Variants in SATB2 observed in about 807,000 individuals in gnomAD.
SATB2 encodes the protein DNA-binding protein SATB2.
A neutral mutation model predicts 73.4 loss-of-function variants in SATB2; 1 was observed. The observed-to-expected ratio is 0.01, with a 90% CI of 0.00 to 0.06. The LOEUF (loss-of-function observed/expected upper bound fraction) is 0.06, where lower values mean the gene tolerates loss of function less well. Ranked by LOEUF, SATB2 falls within the 10% of genes least tolerant of loss-of-function variation. SATB2 has a pLI of 1.00. For missense variants in SATB2, 459 were observed against 945.8 expected, an observed-to-expected ratio of 0.49 and a Z score of 6.75; for synonymous variants, 397 against 367.0, an observed-to-expected ratio of 1.08 and a Z score of -0.93.
chr2:199,456,020 C>G lies in SATB2; in HGVS notation c.18G>C (p.Glu6Asp). The G allele has an allele frequency of 6.5e-7, 1 of 1,545,208 alleles. No homozygotes were observed. The highest frequency in any genetic ancestry group is 1.4e-5 in the African/African-American group (1 of 73,246). Reference protein sequence around the residue: MERRSESPCLRDSPDR... With the variant: MERRSDSPCLRDSPDR... ...CGGGGCTGTCCCGCAGACACGGGCT[C>G]TCGCTCCGCCGCTCCATGCTGCTCC... The change falls in exon 2 of 11, where the codon GAG becomes GAC. Residue 6 changes from glutamate (E) to aspartate (D), a missense_variant. By Grantham distance (45) the Glu-to-Asp change is conservative (BLOSUM62 2). Around this residue, in one of 13 missense-constraint regions of SATB2, gnomAD observed 74 missense variants for 113.3 expected, o/e 0.65. Transcript: ENST00000417098.
At chr2:199,367,466 A>G (rs893965166) in intron 6 of SATB2, among the ~76,000 whole-genome samples, 6 of 152,120 alleles carry the variant, frequency 3.9e-5, no homozygotes, top group African/African-American at 1.4e-4. Context: ...ATGTTTGTAA[A>G]CTTCATTTCT....
chr2:199,355,348 C>CTATCTATATA, intron 6 of SATB2, among the ~76,000 whole-genome samples: 1 of 134,194 alleles, frequency 7.5e-6, no homozygotes, highest in East Asian at 2.5e-4. Flanking sequence ...GTGTGTGTAT[C>CTATCTATATA]TATATATATA....
chr2:199,379,595 T>C (rs1383461059), intron 5 of SATB2, among the ~76,000 whole-genome samples: 1 of 152,000 alleles, frequency 6.6e-6, no homozygotes, highest in African/African-American at 2.4e-5. Flanking sequence ...TCTTGATCTA[T>C]AAAATGGAGA....
chr2:199,307,525 T>C (rs1288725495), intron 10 of SATB2, among the ~76,000 whole-genome samples: 1 of 152,136 alleles, frequency 6.6e-6, no homozygotes, highest in African/African-American at 2.4e-5. Flanking sequence ...CATCCCCAAC[T>C]CTGGGATCAC....
rs1033090413 is a variant in SATB2, at chr2:199,317,360, G to A, written c.1542+6443C>T. On this transcript the variant is annotated intron_variant, in intron 9 of 10. Transcript: ENST00000417098. ...TGTAAGAACCACAGTTTAACTCGATGTCCTCTTCCCTAACCAGCTGGGGAG... is the reference window on the plus strand; with the variant it reads ...TGTAAGAACCACAGTTTAACTCGATATCCTCTTCCCTAACCAGCTGGGGAG... Among the ~76,000 whole-genome samples, 4 of 152,158 alleles carry A rather than the reference G, an allele frequency of 2.6e-5. No individual in the cohort carries two copies. In the South Asian group the frequency reaches 6.2e-4, roughly 24 times the overall value.
At chr2:199,324,881 T>C (rs942921200) in intron 8 of SATB2, among the ~76,000 whole-genome samples, 3 of 152,192 alleles carry the variant, frequency 2.0e-5, no homozygotes, top group African/African-American at 7.2e-5. Flanking sequence ...ACCAGCCGAA[T>C]TGGCCTAACC....
At chr2:199,277,140 C>T (rs778663560) in intron 10 of SATB2, among the ~76,000 whole-genome samples, 2 of 152,044 alleles carry the variant, frequency 1.3e-5, no homozygotes, top group Non-Finnish European at 2.9e-5. Flanking sequence ...ATAGGAAAAG[C>T]CTGCATTGAC....
At chr2:199,322,778 T>C (rs182697588) in intron 9 of SATB2, among the ~76,000 whole-genome samples, 1 of 152,300 alleles carries the variant, frequency 6.6e-6, no homozygotes, top group Admixed American at 6.5e-5. Context: ...AAATTTAATT[T>C]TTATTGAAAA....
At chr2:199,335,275 A>C (rs566927697) in intron 7 of SATB2, among the ~76,000 whole-genome samples, 36 of 152,298 alleles carry the variant, frequency 2.4e-4, no homozygotes, top group South Asian at 1.7e-3. Context: ...GGTGGATAGA[A>C]TTGAGCATCT....
chr2:199,320,130 G>A lies in SATB2; in HGVS notation c.1542+3673C>T, dbSNP rs181126407. Among the ~76,000 whole-genome samples the A allele has an allele frequency of 6.6e-5, 10 of 152,226 alleles. No homozygotes were observed. In the South Asian group the frequency reaches 1.7e-3, roughly 25 times the overall value. On this transcript the variant is annotated intron_variant, in intron 9 of 10. Transcript: ENST00000417098. Reference sequence around the variant, plus strand: ...AGGAACAAGGCATTCCTGTGGCCACGCAGACAGAATGTGGGGCATTCGCTC... The same window carrying A: ...AGGAACAAGGCATTCCTGTGGCCACACAGACAGAATGTGGGGCATTCGCTC...
At chr2:199,355,340 G>GTA (rs1445800916) in intron 6 of SATB2, among the ~76,000 whole-genome samples, 1 of 13,864 alleles carries the variant, frequency 7.2e-5, no homozygotes, top group African/African-American at 8.5e-5. Context: ...GTGTGTGTGT[G>GTA]TGTGTATCTA....
chr2:199,467,214 G>A (rs1209153105), upstream of SATB2, among the ~76,000 whole-genome samples: 1 of 152,248 alleles, frequency 6.6e-6, no homozygotes, highest in African/African-American at 2.4e-5. Context: ...CCTCTTGTTG[G>A]CCGGTGGCTA....
chr2:199,359,011 T>C (rs1451373216), intron 6 of SATB2, among the ~76,000 whole-genome samples: 1 of 152,202 alleles, frequency 6.6e-6, no homozygotes, highest in Non-Finnish European at 1.5e-5. Context: ...ATTTTTATTC[T>C]TTATTTTAAT....
chr2:199,331,215 T>TG (rs1491226505), intron 7 of SATB2, among the ~76,000 whole-genome samples: 1 of 53,138 alleles, frequency 1.9e-5, no homozygotes, highest in Non-Finnish European at 6.7e-5. Context: ...ATTTGTTTCT[T>TG]GTTTTTTTTT....
At chr2:199,291,678 C>T (rs571094979) in intron 10 of SATB2, among the ~76,000 whole-genome samples, 9 of 152,086 alleles carry the variant, frequency 5.9e-5, no homozygotes, top group South Asian at 4.2e-4. Context: ...TTTGGGAGGC[C>T]GAGGCGGGTG....
At chr2:199,428,782 A>C (rs967166469) in intron 3 of SATB2, among the ~76,000 whole-genome samples, 13 of 152,184 alleles carry the variant, frequency 8.5e-5, no homozygotes, top group Non-Finnish European at 1.3e-4. Context: ...CTTTAATCCC[A>C]CCACTTTGGG....
At position 199,279,212 on chromosome 2, in the gene SATB2, A is replaced by G. The variant is rs146905191; in HGVS notation, c.1741-6540T>C. On this transcript the variant is annotated intron_variant, in intron 10 of 10. Transcript: ENST00000417098. ...AAATGAAACCCAAAGTTCCTTGCCC[A>G]GTCATAAAGCACAATTATAATATGG... Among the ~76,000 whole-genome samples the G allele has an allele frequency of 2.5e-3, 374 of 152,356 alleles. 1 individual carries two copies. The highest frequency in any genetic ancestry group is 6.6e-3 in the African/African-American group (275 of 41,594).
intron 6 of SATB2, among the ~76,000 whole-genome samples, chr2:199,353,776 G>T (rs1463313597): frequency 6.6e-6 from 1 of 151,134 alleles, no homozygotes; most frequent in Non-Finnish European, 1.5e-5. Flanking sequence ...TAATCACAAT[G>T]TCTGAAACAC....
intron 7 of SATB2, among the ~76,000 whole-genome samples, chr2:199,331,189 AAC>A (rs1041280844): frequency 1.4e-5 from 2 of 147,900 alleles, no homozygotes; most frequent in African/African-American, 4.9e-5. Flanking sequence ...AAAATTTTAA[AAC>A]ACAGAGTGTT....
Sources: gnomAD v4.1 joint callset for allele counts (sites outside exome capture counted in the v4.1 genomes callset) on GRCh38, gnomAD v4.1.1 for gene constraint, gnomAD v4.1.1 regional missense constraint, MANE v1.5 for transcripts, NCBI Gene and HGNC (gene_info 2026-07-23, HGNC 2026-07-21) for gene names.